Variants in KIAA1217 observed in about 807,000 individuals in gnomAD.
The protein encoded by KIAA1217 is sickle tail protein homolog.
In KIAA1217, 88 loss-of-function variants were observed where a neutral mutation model predicts 163.9. The observed-to-expected ratio is 0.54, with a 90% CI of 0.45 to 0.64. The LOEUF (loss-of-function observed/expected upper bound fraction) is 0.64, where lower values mean the gene tolerates loss of function less well. Ranked by LOEUF, KIAA1217 falls within the 30% of genes least tolerant of loss-of-function variation. The pLI, the probability that KIAA1217 is intolerant of heterozygous loss-of-function variation, is 0.00. For synonymous variants in KIAA1217, 903 were observed against 923.1 expected, an observed-to-expected ratio of 0.98 and a Z score of 0.39; for missense variants, 2,372 against 2,475.0, an observed-to-expected ratio of 0.96 and a Z score of 0.88.
At chr10:24,159,277 A>T (rs1260893033) in intron 2 of KIAA1217, among the ~76,000 whole-genome samples, 1 of 152,148 alleles carries the variant, frequency 6.6e-6, no homozygotes, top group East Asian at 1.9e-4. Flanking sequence ...TTGGTGTATT[A>T]AAAAATCAGC....
intron 1 of KIAA1217, among the ~76,000 whole-genome samples, chr10:23,855,031 T>C (rs1839576774): frequency 1.3e-5 from 2 of 152,200 alleles, no homozygotes; most frequent in African/African-American, 2.4e-5. Context: ...GTTAATATTG[T>C]TATGTGTGAA....
At chr10:23,853,605 G>T (rs1839478331) in intron 1 of KIAA1217, among the ~76,000 whole-genome samples, 1 of 152,214 alleles carries the variant, frequency 6.6e-6, no homozygotes, top group South Asian at 2.1e-4. Flanking sequence ...ATTCCTCCTT[G>T]TACCTCTGGT....
intron 1 of KIAA1217, among the ~76,000 whole-genome samples, chr10:23,853,589 G>C (rs1428839058): frequency 2.6e-5 from 4 of 152,086 alleles, no homozygotes; most frequent in African/African-American, 7.2e-5. Flanking sequence ...AGAAGGAATG[G>C]TACCAATTCC....
intron 2 of KIAA1217, among the ~76,000 whole-genome samples, chr10:24,262,624 C>CAA (rs2075836335): frequency 8.4e-6 from 1 of 119,446 alleles, no homozygotes; most frequent in Admixed American, 9.0e-5. Context: ...GACTCCGTCT[C>CAA]AAAGAAAAAA....
In KIAA1217 at chr10:24,509,276, G is replaced by A. The variant is rs188768470; in HGVS notation, c.2002-3983G>A. ...GAACACCAGACAGGGAGGGCAGGGG[G>A]ACTGGGAAAGCAGACAGAGAACCTA... On this transcript the variant is annotated intron_variant, in intron 9 of 20. Transcript: ENST00000376454. Among the ~76,000 whole-genome samples, 8 of 152,280 alleles carry A rather than the reference G, an allele frequency of 5.3e-5. No individual in the cohort carries two copies. In the East Asian group the frequency reaches 1.5e-3, roughly 29 times the overall value.
At chr10:24,381,188 A>C in intron 3 of KIAA1217, 121 bp downstream of exon 3, 1 of 718,310 alleles carries the variant, frequency 1.4e-6, no homozygotes, top group Non-Finnish European at 2.0e-6. Context: ...ATACTCTAGT[A>C]CTGGGAAACT....
chr10:23,844,242 C>G (rs1476844206), intron 1 of KIAA1217, among the ~76,000 whole-genome samples: 8 of 152,146 alleles, frequency 5.3e-5, no homozygotes, highest in Admixed American at 3.9e-4. Flanking sequence ...ATCCAGCTTT[C>G]TACATTTGCC....
At chr10:23,926,434 T>C (rs1843022206) in intron 1 of KIAA1217, among the ~76,000 whole-genome samples, 1 of 152,114 alleles carries the variant, frequency 6.6e-6, no homozygotes, top group South Asian at 2.1e-4. Context: ...TAGTCCTGTT[T>C]CAAAGGTAGG....
Position 24,471,380 on chromosome 10 carries a change from CT to C in KIAA1217, c.847-1846del, listed in dbSNP as rs148651496. On this transcript the variant is annotated intron_variant, in intron 5 of 20. Coordinates refer to ENST00000376454, the MANE Select transcript of KIAA1217 (RefSeq NM_019590.5). The stretch of plus-strand genomic sequence containing the variant: ...GAAGAATGGATGGAGCCTGTCTCTC[CT>C]TCCCTCAGTTATTTGGAGAATCTCA... Among the ~76,000 whole-genome samples the C allele has an allele frequency of 9.7e-4, 148 of 152,312 alleles. 2 individuals are homozygous for C. Among genetic ancestry groups the C allele is most frequent in the African/African-American group, 3.1e-3 (127 of 41,572 alleles).
chr10:24,137,081 A>G lies in KIAA1217; in HGVS notation c.-170-82545A>G, dbSNP rs567949787. Among the ~76,000 whole-genome samples the G allele has an allele frequency of 3.9e-5, 6 of 152,346 alleles. No individual in the cohort carries two copies. In the East Asian group the frequency reaches 9.6e-4, roughly 24 times the overall value. On this transcript the variant is annotated intron_variant, in intron 2 of 18. Transcript: ENST00000376462. ...GCACTCATTTAATACGTAAATTCTG[A>G]CATATTCATGTAAAAACATGCATCA...
chr10:24,027,526 T>C (rs1339897030), intron 2 of KIAA1217, among the ~76,000 whole-genome samples: 1 of 152,142 alleles, frequency 6.6e-6, no homozygotes, highest in Non-Finnish European at 1.5e-5. Flanking sequence ...AACTTTAAAA[T>C]GATGCCATTT....
At position 24,425,142 on chromosome 10, in the gene KIAA1217, C is replaced by T. The variant is rs1414190271; in HGVS notation, c.554-7853C>T. ...ATTCCTAACTGGCCAGTCCGTTTAG[C>T]GATTTTTTAGATGAAAGTTTTAGAT... On this transcript the variant is annotated intron_variant, in intron 3 of 20. Coordinates refer to ENST00000376454, the MANE Select transcript of KIAA1217 (RefSeq NM_019590.5). 4.6e-5 allele frequency among the ~76,000 whole-genome samples: 7 copies of T among 152,228 alleles called. No homozygotes were observed. In the East Asian group the frequency reaches 1.2e-3, roughly 25 times the overall value.
intron 1 of KIAA1217, among the ~76,000 whole-genome samples, chr10:23,804,911 A>T (rs1588855403): frequency 6.6e-6 from 1 of 152,124 alleles, no homozygotes; most frequent in East Asian, 1.9e-4. Context: ...TTTAGTTAGG[A>T]TCTCTGATCT....
At chr10:23,804,088 A>T (rs1056210946) in intron 1 of KIAA1217, among the ~76,000 whole-genome samples, 7 of 152,254 alleles carry the variant, frequency 4.6e-5, no homozygotes, top group Non-Finnish European at 1.0e-4. Context: ...ACATAGCCAT[A>T]GCCATAGACA....
intron 1 of KIAA1217, among the ~76,000 whole-genome samples, chr10:23,832,264 C>G (rs1014146855): frequency 2.0e-5 from 3 of 152,234 alleles, no homozygotes; most frequent in South Asian, 2.1e-4. Flanking sequence ...AATTACTGGT[C>G]TATTATAAAG....
At chr10:24,380,100 T>G (rs910354214) in intron 2 of KIAA1217, among the ~76,000 whole-genome samples, 1 of 152,074 alleles carries the variant, frequency 6.6e-6, no homozygotes, top group South Asian at 2.1e-4. Context: ...GTGAGTTTAC[T>G]GATTGTGGAA....
chr10:24,377,532 C>T (rs2052674867), intron 2 of KIAA1217, among the ~76,000 whole-genome samples: 1 of 152,126 alleles, frequency 6.6e-6, no homozygotes, highest in African/African-American at 2.4e-5. Context: ...TTCACTAGAT[C>T]AAACCTGAAA....
intron 1 of KIAA1217, among the ~76,000 whole-genome samples, chr10:23,833,547 C>G (rs1447127386): frequency 6.6e-6 from 1 of 151,128 alleles, no homozygotes; most frequent in Non-Finnish European, 1.5e-5. Flanking sequence ...TCTACTATTT[C>G]CTGATTGCTG....
At chr10:24,167,318 A>G (rs568273556) in intron 2 of KIAA1217, among the ~76,000 whole-genome samples, 3 of 147,416 alleles carry the variant, frequency 2.0e-5, no homozygotes, top group Non-Finnish European at 4.5e-5. Flanking sequence ...TGTGTGTGTT[A>G]CTTTAGATGT....
Sources: gnomAD v4.1 joint callset for allele counts (sites outside exome capture counted in the v4.1 genomes callset) on GRCh38, gnomAD v4.1.1 for gene constraint, MANE v1.5 for transcripts, NCBI Gene and HGNC (gene_info 2026-07-23, HGNC 2026-07-21) for gene names.